The following MON2 variants were observed in gnomAD, a reference collection of about 807,000 sequenced individuals.
The protein encoded by MON2 is protein MON2 homolog.
A neutral mutation model predicts 208.6 loss-of-function variants in MON2; 84 were observed. The ratio of observed to expected loss-of-function variants is 0.40; its 90% CI spans 0.34 to 0.48. MON2 has a LOEUF of 0.48. Among genes scored for constraint, MON2 ranks in the 20% least tolerant of loss-of-function variants. The probability of loss-of-function intolerance (pLI) is 0.59; values close to 1 mark genes in which losing one functional copy is unlikely to be tolerated. For synonymous variants in MON2, 660 were observed against 694.0 expected (o/e 0.95, Z 0.77); for missense variants, 1,611 against 2,015.4 (o/e 0.80, Z 3.84).
chr12:62,569,515 C>G (rs932606378), intron 29 of MON2, among the ~76,000 whole-genome samples: 1 of 152,138 alleles, frequency 6.6e-6, no homozygotes, highest in East Asian at 1.9e-4. Flanking sequence ...AGGCCAGTAA[C>G]AAGATTATAT....
intron 32 of MON2, 126 bp from the exon 33 acceptor site, chr12:62,585,168 A>T: frequency 3.0e-6 from 2 of 659,620 alleles, no homozygotes; most frequent in Non-Finnish European, 5.2e-6. Context: ...TATTAGCTAT[A>T]GGTTGTTCTA....
chr12:62,551,193 C>T (rs1024381074), intron 23 of MON2, among the ~76,000 whole-genome samples: 1 of 152,090 alleles, frequency 6.6e-6, no homozygotes, highest in African/African-American at 2.4e-5. Flanking sequence ...TTTGGCCTGT[C>T]TTGATTTTCG....
rs1258198393 is a variant in MON2 at position 62,466,915 on chromosome 12, C to T, written c.-293C>T. ...GGTTGGCTGGTGACACCCGGTGTGG[C>T]TGGGCCCCGCGGCAGCGGAGGGACC... is the stretch of plus-strand genomic sequence containing the variant. On this transcript the variant is annotated 5_prime_UTR_variant, in exon 1 of 35. Coordinates refer to ENST00000393630, the MANE Select transcript of MON2 (RefSeq NM_015026.3). 8 of 497,374 alleles carry T rather than the reference C, an allele frequency of 1.6e-5. No individual in the cohort carries two copies. In the East Asian group the frequency reaches 2.7e-4, roughly 17 times the overall value. 30.8% of individuals were successfully genotyped at this position (497,374 alleles called of 1,614,324 possible).
intron 1 of MON2, among the ~76,000 whole-genome samples, chr12:62,475,642 A>G (rs1034863703): frequency 6.7e-6 from 1 of 149,468 alleles, no homozygotes; most frequent in Non-Finnish European, 1.5e-5. Context: ...TGACCTCATG[A>G]TCTGCCCGCC....
chr12:62,505,336 G>T (rs1317760473), intron 7 of MON2, among the ~76,000 whole-genome samples: 1 of 152,118 alleles, frequency 6.6e-6, no homozygotes, highest in Non-Finnish European at 1.5e-5. Context: ...AATGTTCCTG[G>T]CATATAGTTG....
chr12:62,564,350 C>T (rs544943222), intron 26 of MON2, among the ~76,000 whole-genome samples: 5 of 151,608 alleles, frequency 3.3e-5, no homozygotes, highest in African/African-American at 1.2e-4. Flanking sequence ...GAGTACCTAC[C>T]CTCTCAGGCA....
At position 62,571,461 on chromosome 12, in the gene MON2, T is replaced by A. The variant is rs949374687; in HGVS notation, c.4393T>A (p.Ser1465Thr). The A allele has an allele frequency of 1.2e-6, 2 of 1,613,200 alleles. No homozygotes were observed. ...AAGCACATGGAAACTAGCAGTATCC[T>A]CTCTCCTCAGAGTTCTTTCTATTGG... ...SESTWKLAVS[S>T]LLRVLSIGLP... Residue 1465 changes from serine (S) to threonine (T), a missense_variant, in exon 30 of 35, where the codon TCT becomes ACT. Transcript: ENST00000393630.
chr12:62,552,685 C>T (rs572875228), intron 23 of MON2, among the ~76,000 whole-genome samples, 196 bp from the exon 24 acceptor site: 14 of 151,452 alleles, frequency 9.2e-5, no homozygotes, highest in Non-Finnish European at 1.9e-4. Flanking sequence ...ATTGTTTCCC[C>T]ACTTTCTCCT....
chr12:62,486,208 A>G (rs2069781938), intron 2 of MON2, among the ~76,000 whole-genome samples: 1 of 151,510 alleles, frequency 6.6e-6, no homozygotes, highest in African/African-American at 2.4e-5. Context: ...ATTATTCTCC[A>G]ATAATACAAA....
At chr12:62,581,752 T>C (rs1239337504) in intron 32 of MON2, among the ~76,000 whole-genome samples, 1 of 151,910 alleles carries the variant, frequency 6.6e-6, no homozygotes, top group African/African-American at 2.4e-5. Context: ...AATTGCTTGA[T>C]TCGGGAAGCG....
At position 62,597,675 on chromosome 12, in the gene MON2, A is replaced by G. The variant is rs1486209096; in HGVS notation, c.*4926A>G. ...ATAAATATGATGGATTCAGCACCTA[A>G]ATTTGGAATAATCATGTCTTTTCTG... On this transcript the variant is annotated 3_prime_UTR_variant, in exon 35 of 35. Coordinates refer to ENST00000393630, the MANE Select transcript of MON2 (RefSeq NM_015026.3). 6.6e-6 allele frequency: 1 copy of G among 152,160 alleles called. No individual in the cohort carries two copies. Among genetic ancestry groups the G allele is most frequent in the African/African-American group, 2.4e-5 (1 of 41,442 alleles). 9.4% of individuals were successfully genotyped at this position (152,160 alleles called of 1,614,324 possible).
At chr12:62,534,392 G>A (rs1397161545) in intron 12 of MON2, among the ~76,000 whole-genome samples, 1 of 149,880 alleles carries the variant, frequency 6.7e-6, no homozygotes, top group Non-Finnish European at 1.5e-5. Context: ...GGTGGCGTGT[G>A]TCTGTAATCC....
intron 2 of MON2, among the ~76,000 whole-genome samples, chr12:62,488,844 G>A (rs559605245): frequency 6.6e-6 from 1 of 151,616 alleles, no homozygotes; most frequent in South Asian, 2.1e-4. Context: ...CTTTTTAAAT[G>A]TTTTAAATTG....
intron 3 of MON2, 141 bp downstream of exon 3, chr12:62,494,183 T>C: frequency 1.4e-6 from 1 of 726,658 alleles, no homozygotes; most frequent in East Asian, 2.9e-5. Context: ...TATTTAAAAA[T>C]ATTGCCAAAT....
chr12:62,532,204 T>C (rs1331377856), intron 11 of MON2, among the ~76,000 whole-genome samples: 1 of 152,234 alleles, frequency 6.6e-6, no homozygotes, highest in Non-Finnish European at 1.5e-5. Flanking sequence ...GAATGAGAAG[T>C]AAATTATTAA....
chr12:62,474,493 C>T (rs1285665683), intron 1 of MON2, among the ~76,000 whole-genome samples: 1 of 151,998 alleles, frequency 6.6e-6, no homozygotes, highest in Non-Finnish European at 1.5e-5. Context: ...GGTGCAATCT[C>T]GGCTCACCGC....
At chr12:62,516,336 G>A (rs1198128640) in intron 8 of MON2, among the ~76,000 whole-genome samples, 8 of 152,004 alleles carry the variant, frequency 5.3e-5, no homozygotes, top group South Asian at 4.2e-4. Context: ...CAAAAATATG[G>A]GTAGATAGAA....
At chr12:62,523,265 T>C (rs1324208968) in intron 8 of MON2, among the ~76,000 whole-genome samples, 1 of 152,244 alleles carries the variant, frequency 6.6e-6, no homozygotes, top group Non-Finnish European at 1.5e-5. Flanking sequence ...CATGGCACTT[T>C]GTCATGTTTA....
intron 4 of MON2, among the ~76,000 whole-genome samples, chr12:62,497,441 T>C (rs2070578934): frequency 6.6e-6 from 1 of 152,140 alleles, no homozygotes; most frequent in Non-Finnish European, 1.5e-5. Flanking sequence ...GTGTTATTAT[T>C]AGGGACACAA....
Sources: gnomAD v4.1 joint callset for allele counts (sites outside exome capture counted in the v4.1 genomes callset) on GRCh38, gnomAD v4.1.1 for gene constraint, MANE v1.5 for transcripts, NCBI Gene and HGNC (gene_info 2026-07-23, HGNC 2026-07-21) for gene names.